SPOP: variants seen among roughly 807,000 people sequenced by gnomAD.
SPOP encodes speckle-type POZ protein.
A neutral mutation model predicts 45.6 loss-of-function variants in SPOP; 11 were observed. The ratio of observed to expected loss-of-function variants is 0.24; its 90% confidence interval spans 0.15 to 0.40. SPOP has a LOEUF of 0.40. SPOP is among the 10% of genes least tolerant of loss of function. The probability of loss-of-function intolerance (pLI) is 1.00; values close to 1 mark genes in which losing one functional copy is unlikely to be tolerated. For missense variants in SPOP, 152 were observed against 465.6 expected, an observed-to-expected ratio of 0.33 and a Z score of 6.20; for synonymous variants, 166 against 166.3, an observed-to-expected ratio of 1.00 and a Z score of 0.01.
Position 49,601,721 on chromosome 17 carries a change from C to T in SPOP, c.980+144G>A, listed in dbSNP as rs112448856. 20 of 1,049,612 alleles carry T rather than the reference C, an allele frequency of 1.9e-5. 1 individual carries two copies. The highest frequency in any genetic ancestry group is 1.3e-4 in the African/African-American group (8 of 62,434). 65.0% of individuals were successfully genotyped at this position (1,049,612 alleles called of 1,614,324 possible). ...CATGAAGTCAATTCCATACGGTCAA[C>T]TGAAGGAAAAGATGAAAACTCTATT... On this transcript the variant is annotated intron_variant, in intron 9 of 9. Coordinates refer to ENST00000504102, the MANE Select transcript of SPOP (RefSeq NM_001007228.2).
intron 1 of SPOP, among the ~76,000 whole-genome samples, chr17:49,623,132 C>A (rs931238781): frequency 6.6e-6 from 1 of 152,054 alleles, no homozygotes; most frequent in Non-Finnish European, 1.5e-5. Context: ...CCTAAGCCTC[C>A]CGAGTAGCTG....
intron 1 of SPOP, among the ~76,000 whole-genome samples, chr17:49,669,249 T>C (rs546444734): frequency 6.7e-6 from 1 of 149,754 alleles, no homozygotes; most frequent in Admixed American, 6.7e-5. Context: ...GCATTTTTAG[T>C]AGAGACAGGG....
At chr17:49,653,586 T>C (rs1187047245) in intron 1 of SPOP, among the ~76,000 whole-genome samples, 1 of 151,944 alleles carries the variant, frequency 6.6e-6, no homozygotes, top group Non-Finnish European at 1.5e-5. Context: ...ATAGCCTGCA[T>C]GCTGTTTATT....
At chr17:49,646,513 C>A (rs2072761005) in intron 1 of SPOP, 1 of 150,226 alleles carries the variant, frequency 6.7e-6, no homozygotes, top group African/African-American at 2.5e-5. Flanking sequence ...GCCTGGGTGA[C>A]CGTCTCAAAA....
At chr17:49,650,046 C>G (rs1267939234) in intron 1 of SPOP, among the ~76,000 whole-genome samples, 1 of 151,348 alleles carries the variant, frequency 6.6e-6, no homozygotes, top group African/African-American at 2.4e-5. Context: ...CATGCGCCAC[C>G]ATGCCCGGCT....
intron 1 of SPOP, among the ~76,000 whole-genome samples, chr17:49,674,217 T>C (rs552092734): frequency 6.6e-5 from 10 of 152,338 alleles, no homozygotes; most frequent in African/African-American, 2.4e-4. Context: ...GCTGGCCTCA[T>C]AGAATGAGTT....
intron 1 of SPOP, among the ~76,000 whole-genome samples, chr17:49,625,844 G>C (rs1035926292): frequency 6.6e-6 from 1 of 152,192 alleles, no homozygotes; most frequent in Admixed American, 6.5e-5. Context: ...GAAGGAAGGA[G>C]AAGGAGACTG....
intron 1 of SPOP, among the ~76,000 whole-genome samples, chr17:49,654,937 A>C (rs145074609): frequency 6.6e-6 from 1 of 152,296 alleles, no homozygotes; most frequent in East Asian, 1.9e-4. Context: ...ACAGATCCTG[A>C]ATCTTTAAGA....
chr17:49,602,110 TGAATA>T (rs2071751047), intron 8 of SPOP, 103 bp from the exon 9 acceptor site: 1 of 1,314,364 alleles, frequency 7.6e-7, no homozygotes, highest in Admixed American at 2.0e-5. Flanking sequence ...ACTAGATACT[TGAATA>T]GAACTGCACA....
chr17:49,647,364 TTGGAGCACCATTATTAA>T (rs1355796787), intron 1 of SPOP, among the ~76,000 whole-genome samples: 5 of 151,286 alleles, frequency 3.3e-5, no homozygotes, highest in South Asian at 2.1e-4. Context: ...TCTAATGAAT[TTGGAGCACCATTATTAA>T]TGGAGACCTC....
chr17:49,607,198 C>T (rs2071868609), intron 8 of SPOP, 52 bp downstream of exon 8: 2 of 1,611,092 alleles, frequency 1.2e-6, no homozygotes, highest in Non-Finnish European at 1.7e-6. Flanking sequence ...TCATGAAACA[C>T]AAGAAGTCAC....
intron 1 of SPOP, among the ~76,000 whole-genome samples, chr17:49,653,142 C>A (rs1298865201): frequency 6.6e-6 from 1 of 152,064 alleles, no homozygotes; most frequent in Admixed American, 6.6e-5. Flanking sequence ...GTGTAAGAAT[C>A]TCTAAGGTCC....
chr17:49,617,113 G>C (rs1467314994), intron 5 of SPOP, among the ~76,000 whole-genome samples: 2 of 152,180 alleles, frequency 1.3e-5, no homozygotes, highest in African/African-American at 4.8e-5. Flanking sequence ...AAGCATATGA[G>C]AAAAGGCTGG....
chr17:49,669,625 C>T (rs971829104), intron 1 of SPOP, among the ~76,000 whole-genome samples: 1 of 150,170 alleles, frequency 6.7e-6, no homozygotes, highest in Middle Eastern at 3.4e-3. Context: ...ATTAGCTGGG[C>T]GTGGTGATGT....
At position 49,655,340 on chromosome 17, in the gene SPOP, T is replaced by C. The variant is rs535461181; in HGVS notation, c.-67+22593A>G. On this transcript the variant is annotated intron_variant, in intron 1 of 9. Coordinates refer to ENST00000504102, the MANE Select transcript of SPOP (RefSeq NM_001007228.2). Reference sequence around the variant, plus strand: ...TCCTGGCTAACACGGTGAAACCCCGTCTCGACTGAAAATACAAAAAATTAG... The same window carrying C: ...TCCTGGCTAACACGGTGAAACCCCGCCTCGACTGAAAATACAAAAAATTAG... 2.0e-5 allele frequency among the ~76,000 whole-genome samples: 3 copies of C among 152,126 alleles called. No individual in the cohort carries two copies. In the East Asian group the frequency reaches 5.8e-4, roughly 29 times the overall value.
chr17:49,640,435 T>C (rs1405780396), intron 1 of SPOP, among the ~76,000 whole-genome samples: 1 of 152,076 alleles, frequency 6.6e-6, no homozygotes, highest in Non-Finnish European at 1.5e-5. Flanking sequence ...TAAATACCTA[T>C]AGGCAGGATT....
chr17:49,670,409 T>C (rs2073121875), intron 1 of SPOP, among the ~76,000 whole-genome samples: 1 of 152,192 alleles, frequency 6.6e-6, no homozygotes, highest in African/African-American at 2.4e-5. Flanking sequence ...GGGACCAGTA[T>C]TGTTATGAAA....
intron 1 of SPOP, among the ~76,000 whole-genome samples, chr17:49,666,450 C>CAG (rs200614198): frequency 0.042 from 165 of 3,910 alleles, 1 homozygote; most frequent in African/African-American, 0.12. Context: ...TGAAGACAGA[C>CAG]ACACACACAC....
intron 1 of SPOP, among the ~76,000 whole-genome samples, chr17:49,665,644 A>G (rs2073045491): frequency 9.1e-6 from 1 of 110,412 alleles, no homozygotes; most frequent in Non-Finnish European, 1.8e-5. Flanking sequence ...TTATATATAT[A>G]TACAGACACA....
Sources: allele counts gnomAD v4.1 joint callset (sites outside exome capture counted in the v4.1 genomes callset), GRCh38; gene constraint gnomAD v4.1.1; transcripts MANE v1.5; gene names NCBI Gene and HGNC (gene_info 2026-07-23, HGNC 2026-07-21).